The following FGF10 variants were observed in gnomAD, a reference collection of about 807,000 sequenced individuals.
The protein encoded by FGF10 is FGF-10.
A neutral mutation model predicts 19.8 loss-of-function variants in FGF10; 2 were observed. The observed-to-expected ratio is 0.10, with a 90% CI of 0.04 to 0.32. The LOEUF is 0.32. Among genes scored for constraint, FGF10 ranks in the 10% least tolerant of loss-of-function variants. The probability of loss-of-function intolerance (pLI) is 1.00; values close to 1 mark genes in which losing one functional copy is unlikely to be tolerated. For synonymous variants in FGF10, 112 were observed against 94.0 expected, an observed-to-expected ratio of 1.19 and a Z score of -1.10; for missense variants, 191 against 246.3, an observed-to-expected ratio of 0.78 and a Z score of 1.50.
intron 1 of FGF10, among the ~76,000 whole-genome samples, chr5:44,366,851 C>G (rs1478722860): frequency 6.6e-6 from 1 of 151,948 alleles, no homozygotes; most frequent in African/African-American, 2.4e-5. Context: ...AATATGAATA[C>G]TTTCTTTAAT....
At chr5:44,345,851 T>C (rs1431409305) in intron 1 of FGF10, among the ~76,000 whole-genome samples, 1 of 151,856 alleles carries the variant, frequency 6.6e-6, no homozygotes, top group Non-Finnish European at 1.5e-5. Flanking sequence ...TTTTCTGTTT[T>C]CTTCTCTTGC....
At position 44,389,006 on chromosome 5, in the gene FGF10, C is replaced by G. The variant is rs1742178279; in HGVS notation, c.-324G>C. The G allele has an allele frequency of 2.1e-6, 1 of 474,150 alleles. No individual in the cohort carries two copies. Among genetic ancestry groups the G allele is most frequent in the Non-Finnish European group, 3.9e-6 (1 of 257,194 alleles). 29.4% of individuals were successfully genotyped at this position (474,150 alleles called of 1,614,324 possible). A position where few individuals can be genotyped will look rare whatever the true frequency, so the allele number is the denominator to read the frequency against. ...GCGCTCTTCGCTCCCCCAGGAGTTACTTTGTTCTCTTCTTTACTCCTTTCT... is the reference window on the plus strand; with the variant it reads ...GCGCTCTTCGCTCCCCCAGGAGTTAGTTTGTTCTCTTCTTTACTCCTTTCT... On this transcript the variant is annotated 5_prime_UTR_variant, in exon 1 of 3. Coordinates refer to ENST00000264664, the MANE Select transcript of FGF10 (RefSeq NM_004465.2).
chr5:44,353,241 A>G (rs973126433), intron 1 of FGF10, among the ~76,000 whole-genome samples: 10 of 151,548 alleles, frequency 6.6e-5, no homozygotes, highest in African/African-American at 2.4e-4. Flanking sequence ...CAGTGCCAGG[A>G]TATATTTGTT....
chr5:44,348,388 A>C (rs1579922894), intron 1 of FGF10, among the ~76,000 whole-genome samples: 1 of 151,666 alleles, frequency 6.6e-6, no homozygotes, highest in African/African-American at 2.4e-5. Flanking sequence ...CTAATGGAGT[A>C]GTCTCACCTA....
intron 1 of FGF10, among the ~76,000 whole-genome samples, chr5:44,342,510 A>G (rs1740992730): frequency 7.5e-6 from 1 of 132,772 alleles, no homozygotes. Flanking sequence ...AGAAAGTTTT[A>G]GGAAAAAAAA....
At position 44,349,661 on chromosome 5, in the gene FGF10, C is replaced by T. The variant is rs563952705; in HGVS notation, c.325+38697G>A. On this transcript the variant is annotated intron_variant, in intron 1 of 2. Transcript: ENST00000264664. ...AAAATAGCTTGATATTCTACTTTTG[C>T]TAAGGCTAAATATATTCATAGAAAA... 2.0e-4 allele frequency among the ~76,000 whole-genome samples: 26 copies of T among 133,140 alleles called. No homozygotes were observed. The South Asian group carries it at 6.2e-3, about 32-fold the overall frequency. The allele number at this position is 133,140 out of a possible 152,430, so 87.3% of individuals were successfully genotyped here.
At chr5:44,354,300 T>G (rs1287614142) in intron 1 of FGF10, among the ~76,000 whole-genome samples, 3 of 151,506 alleles carry the variant, frequency 2.0e-5, no homozygotes, top group African/African-American at 7.3e-5. Flanking sequence ...CTTAATATTA[T>G]AATTAATGGC....
intron 1 of FGF10, among the ~76,000 whole-genome samples, chr5:44,387,159 A>G (rs1317472789): frequency 6.6e-6 from 1 of 152,218 alleles, no homozygotes; most frequent in East Asian, 1.9e-4. Flanking sequence ...TTCCTTTCAC[A>G]TAACAATCAA....
chr5:44,315,773 G>T (rs1740332211), intron 1 of FGF10, among the ~76,000 whole-genome samples: 1 of 152,062 alleles, frequency 6.6e-6, no homozygotes, highest in Non-Finnish European at 1.5e-5. Flanking sequence ...TTATATCCTA[G>T]CACAGAAGGA....
rs769267378 is a variant in FGF10, at chr5:44,304,964, G to A, written c.*31C>T. ...ACTATTCTTGGCAAAAGAGCCATTG[G>A]TTCTACTGCATCCACAAACGTTGCC... On this transcript the variant is annotated 3_prime_UTR_variant, in exon 3 of 3. Coordinates refer to ENST00000264664, the MANE Select transcript of FGF10 (RefSeq NM_004465.2). 3.7e-6 allele frequency: 6 copies of A among 1,602,120 alleles called. No homozygotes were observed. In the East Asian group the frequency reaches 1.3e-4, roughly 36 times the overall value.
At chr5:44,341,412 A>C (rs1209006742) in intron 1 of FGF10, among the ~76,000 whole-genome samples, 1 of 151,974 alleles carries the variant, frequency 6.6e-6, no homozygotes, top group Non-Finnish European at 1.5e-5. Context: ...ATGAAGAAGA[A>C]ATATGATATG....
intron 1 of FGF10, among the ~76,000 whole-genome samples, chr5:44,324,767 C>T (rs1157216690): frequency 6.6e-6 from 1 of 152,096 alleles, no homozygotes; most frequent in Non-Finnish European, 1.5e-5. Flanking sequence ...TTTCAACTTG[C>T]CACCAAAATG....
chr5:44,320,694 C>G (rs1740465565), intron 1 of FGF10, among the ~76,000 whole-genome samples: 1 of 148,980 alleles, frequency 6.7e-6, no homozygotes, highest in Non-Finnish European at 1.5e-5. Flanking sequence ...AAGTCAAGTT[C>G]AAGTCTTTGG....
At chr5:44,374,015 T>G (rs1036499986) in intron 1 of FGF10, among the ~76,000 whole-genome samples, 1 of 152,160 alleles carries the variant, frequency 6.6e-6, no homozygotes, top group Non-Finnish European at 1.5e-5. Context: ...AAATCTATTC[T>G]CTCAATGTTC....
intron 1 of FGF10, among the ~76,000 whole-genome samples, chr5:44,376,467 A>G (rs1741857148): frequency 6.8e-6 from 1 of 147,644 alleles, no homozygotes; most frequent in Non-Finnish European, 1.5e-5. Context: ...AAGTAAATCT[A>G]AGACAAGTTA....
chr5:44,341,457 T>G (rs1028346949), intron 1 of FGF10, among the ~76,000 whole-genome samples: 13 of 151,760 alleles, frequency 8.6e-5, no homozygotes, highest in Non-Finnish European at 1.5e-4. Flanking sequence ...AGATAATAGA[T>G]AGTCTGAGCT....
At chr5:44,346,378 C>T (rs188801098) in intron 1 of FGF10, among the ~76,000 whole-genome samples, 3 of 151,878 alleles carry the variant, frequency 2.0e-5, no homozygotes, top group African/African-American at 7.2e-5. Context: ...ATGTTTTTCA[C>T]TTACATCAAT....
At chr5:44,364,792 T>G (rs896832519) in intron 1 of FGF10, among the ~76,000 whole-genome samples, 10 of 151,870 alleles carry the variant, frequency 6.6e-5, no homozygotes, top group African/African-American at 2.4e-4. Flanking sequence ...CAAAATGAAT[T>G]GAAACACAGT....
intron 1 of FGF10, among the ~76,000 whole-genome samples, chr5:44,349,688 T>TA (rs5867662): frequency 1.3e-5 from 2 of 148,414 alleles, no homozygotes; most frequent in Admixed American, 6.8e-5. Context: ...CATAGAAAAC[T>TA]AAAAAAACTC....
Sources: allele counts gnomAD v4.1 joint callset (sites outside exome capture counted in the v4.1 genomes callset), GRCh38; gene constraint gnomAD v4.1.1; transcripts MANE v1.5; gene names NCBI Gene and HGNC (gene_info 2026-07-23, HGNC 2026-07-21).